The following ARFGEF2 variants were observed in gnomAD, a reference collection of about 807,000 sequenced individuals.
The protein encoded by ARFGEF2 is brefeldin A-inhibited guanine nucleotide-exchange protein 2.
In ARFGEF2, 74 loss-of-function variants were observed where a neutral mutation model predicts 219.9. That is an observed-to-expected ratio of 0.34 (90% CI 0.28 to 0.41). The LOEUF is 0.41. Among genes scored for constraint, ARFGEF2 ranks in the 10% least tolerant of loss-of-function variants. The pLI is 1.00. For synonymous variants in ARFGEF2, 733 were observed against 799.2 expected, an observed-to-expected ratio of 0.92 and a Z score of 1.40; for missense variants, 1,743 against 2,218.3, an observed-to-expected ratio of 0.79 and a Z score of 4.30.
Position 49,005,119 on chromosome 20 carries a change from T to G in ARFGEF2, c.3482T>G (p.Leu1161Ter). The G allele has an allele frequency of 1.9e-6, 3 of 1,614,216 alleles. No individual in the cohort carries two copies. The highest frequency in any genetic ancestry group is 2.5e-6 in the Non-Finnish European group (3 of 1,180,036). ...EDVAIFAVDS[L>*]RQLSMKFLEK... ...GTGGCTATCTTTGCTGTTGACTCAT[T>G]AAGGCAACTCTCCATGAAGTTTCTT... The change falls in exon 26 of 39, where the codon TTA becomes TGA. Residue 1161 changes from leucine (L) to a stop codon, truncating the protein, a stop_gained. Transcript: ENST00000371917. LOFTEE classifies it high-confidence loss of function.
At chr20:49,021,716 C>T (rs1001922698) in intron 34 of ARFGEF2, among the ~76,000 whole-genome samples, 1 of 151,296 alleles carries the variant, frequency 6.6e-6, no homozygotes, top group African/African-American at 2.4e-5. Flanking sequence ...GGGCATGGTG[C>T]CGGGTGCCTG....
At chr20:48,971,071 T>G (rs2091224154) in intron 9 of ARFGEF2, 49 bp from the exon 10 acceptor site, 2 of 1,498,394 alleles carry the variant, frequency 1.3e-6, no homozygotes, top group African/African-American at 2.8e-5. Context: ...ACATACTGTT[T>G]GACATTTTTT....
At chr20:48,962,852 G>A (rs2091162308) in intron 6 of ARFGEF2, among the ~76,000 whole-genome samples, 1 of 152,094 alleles carries the variant, frequency 6.6e-6, no homozygotes, top group Admixed American at 6.6e-5. Context: ...CACAGTCAAA[G>A]GATTATTTTG....
intron 25 of ARFGEF2, 118 bp downstream of exon 25, chr20:48,998,623 T>C (rs2091406252): frequency 1.9e-6 from 2 of 1,037,040 alleles, no homozygotes; most frequent in African/African-American, 3.2e-5. Context: ...TAATTCATTT[T>C]CCCTGTGCAG....
At chr20:48,927,486 C>A (rs1292119997) in intron 1 of ARFGEF2, among the ~76,000 whole-genome samples, 1 of 151,924 alleles carries the variant, frequency 6.6e-6, no homozygotes, top group African/African-American at 2.4e-5. Flanking sequence ...GCCAGGGGTT[C>A]AAGACTAGCC....
At chr20:48,988,744 A>C in intron 18 of ARFGEF2, 82 bp downstream of exon 18, 1 of 1,278,570 alleles carries the variant, frequency 7.8e-7, no homozygotes, top group South Asian at 1.2e-5. Flanking sequence ...CTGGTGATAA[A>C]TTTAATGTGC....
rs1429895835 is a variant in ARFGEF2 at position 48,994,557 on chromosome 20, G to A, written c.3080G>A (p.Gly1027Asp). 2.5e-6 allele frequency: 4 copies of A among 1,614,104 alleles called. No homozygotes were observed. The highest frequency in any genetic ancestry group is 3.4e-6 in the Non-Finnish European group (4 of 1,180,024). The change falls in exon 22 of 39, where the codon GGC becomes GAC. Residue 1027 changes from glycine (G) to aspartate (D), a missense_variant. By Grantham distance (94) the Gly-to-Asp change is moderately conservative (BLOSUM62 -1). Transcript: ENST00000371917. ...SGREREGSLK[G>D]HTLAGEEFMG... ...CGTGAAAGAGAAGGGAGCCTGAAGG[G>A]CCACACATTGGCAGGAGAAGAGTTC...
At chr20:48,946,494 TA>T (rs1002977680) in intron 3 of ARFGEF2, among the ~76,000 whole-genome samples, 1,611 of 149,326 alleles carry the variant, frequency 0.011, 28 homozygotes, top group African/African-American at 0.036. Context: ...TATATATATA[TA>T]TTTTTATTTT....
chr20:48,977,147 GC>G (rs1415853579), intron 14 of ARFGEF2, among the ~76,000 whole-genome samples: 1 of 151,068 alleles, frequency 6.6e-6, no homozygotes, highest in Admixed American at 6.6e-5. Flanking sequence ...CCCATAGCAG[GC>G]CCCCCTGTGT....
chr20:48,961,083 TATAATAATAATA>T (rs371551603), intron 6 of ARFGEF2, among the ~76,000 whole-genome samples: 12 of 144,012 alleles, frequency 8.3e-5, no homozygotes, highest in African/African-American at 2.8e-4. Context: ...TGTCTCAAAA[TATAATAATAATA>T]ATAATAATAA....
chr20:48,938,007 A>T (rs1231350058), intron 1 of ARFGEF2, among the ~76,000 whole-genome samples: 2 of 152,234 alleles, frequency 1.3e-5, no homozygotes, highest in African/African-American at 4.8e-5. Flanking sequence ...TTCTGCATTT[A>T]TGGTTTACAG....
intron 1 of ARFGEF2, among the ~76,000 whole-genome samples, chr20:48,939,800 A>G (rs1473950744): frequency 6.6e-6 from 1 of 152,240 alleles, no homozygotes; most frequent in African/African-American, 2.4e-5. Flanking sequence ...TGGTTTTCAC[A>G]TCTTCAAGTT....
intron 1 of ARFGEF2, among the ~76,000 whole-genome samples, chr20:48,924,339 C>T (rs2090862554): frequency 6.6e-6 from 1 of 151,996 alleles, no homozygotes; most frequent in Non-Finnish European, 1.5e-5. Flanking sequence ...GAAACCCCGC[C>T]TCTACTAAAA....
intron 1 of ARFGEF2, among the ~76,000 whole-genome samples, chr20:48,939,771 TC>T (rs1472721005): frequency 4.6e-5 from 7 of 152,202 alleles, no homozygotes; most frequent in African/African-American, 1.7e-4. Context: ...AATTGCTACT[TC>T]CAGTGAGTCA....
chr20:48,983,204 C>A (rs6019571), intron 14 of ARFGEF2, among the ~76,000 whole-genome samples: 16,334 of 152,154 alleles, frequency 0.11, 1,242 homozygotes, highest in African/African-American at 0.22. Flanking sequence ...CATCATGAGA[C>A]CTTAACTGAA....
chr20:49,028,780 A>ATT, intron 37 of ARFGEF2, 112 bp downstream of exon 37: 2 of 1,239,052 alleles, frequency 1.6e-6, no homozygotes, highest in Non-Finnish European at 1.1e-6. Flanking sequence ...ACTCTGACAA[A>ATT]TTTTTTTTTC....
intron 1 of ARFGEF2, among the ~76,000 whole-genome samples, chr20:48,922,568 T>G (rs1440289474): frequency 1.3e-5 from 2 of 152,246 alleles, no homozygotes; most frequent in African/African-American, 4.8e-5. Context: ...ATCTGCTTAT[T>G]CCTAGCAGTC....
At chr20:48,938,980 G>T (rs2869691) in intron 1 of ARFGEF2, among the ~76,000 whole-genome samples, 16,658 of 132,514 alleles carry the variant, frequency 0.13, 1,364 homozygotes, top group East Asian at 0.35. Flanking sequence ...TTTTTTGTTT[G>T]TTTTTTTTTT....
chr20:48,948,170 C>T (rs546476301), intron 3 of ARFGEF2, among the ~76,000 whole-genome samples: 1 of 152,282 alleles, frequency 6.6e-6, no homozygotes, highest in East Asian at 1.9e-4. Flanking sequence ...GTTCCTTGGG[C>T]CACCAGCCCC....
Sources: allele counts gnomAD v4.1 joint callset (sites outside exome capture counted in the v4.1 genomes callset), GRCh38; gene constraint gnomAD v4.1.1; transcripts MANE v1.5; gene names NCBI Gene and HGNC (gene_info 2026-07-23, HGNC 2026-07-21).